The following SPRED1 variants were observed in gnomAD, a reference collection of about 807,000 sequenced individuals.
SPRED1 encodes sprouty-related, EVH1 domain-containing protein 1.
SPRED1 carries 18 observed loss-of-function variants against 52.3 expected under a neutral mutation model. The observed-to-expected ratio is 0.34, with a 90% confidence interval of 0.24 to 0.51. The LOEUF (loss-of-function observed/expected upper bound fraction) is 0.51, where lower values mean the gene tolerates loss of function less well. Ranked by LOEUF, SPRED1 falls within the 20% of genes least tolerant of loss-of-function variation. The pLI is 0.97. For synonymous variants in SPRED1, 155 were observed against 179.7 expected (o/e 0.86, Z 1.10); for missense variants, 485 against 551.0 (o/e 0.88, Z 1.20).
intron 1 of SPRED1, among the ~76,000 whole-genome samples, chr15:38,261,289 T>G (rs532530209): frequency 1.3e-5 from 2 of 152,360 alleles, no homozygotes; most frequent in East Asian, 3.9e-4. Context: ...CTTTGGGATT[T>G]TAGTCCAAGA....
intron 1 of SPRED1, among the ~76,000 whole-genome samples, chr15:38,288,313 A>G (rs2140970093): frequency 6.6e-6 from 1 of 152,332 alleles, no homozygotes; most frequent in Non-Finnish European, 1.5e-5. Flanking sequence ...AGGTTCATGA[A>G]TATGACATGT....
At chr15:38,273,739 T>C (rs1894489259) in intron 1 of SPRED1, among the ~76,000 whole-genome samples, 1 of 152,090 alleles carries the variant, frequency 6.6e-6, no homozygotes, top group Non-Finnish European at 1.5e-5. Context: ...ATGTATGAGA[T>C]GTGTCATTCT....
intron 4 of SPRED1, among the ~76,000 whole-genome samples, chr15:38,339,501 T>A (rs1595756591): frequency 6.6e-6 from 1 of 152,202 alleles, no homozygotes; most frequent in East Asian, 1.9e-4. Flanking sequence ...CTTCATGTTA[T>A]TTTTAATAAG....
At chr15:38,274,041 G>A (rs1369738390) in intron 1 of SPRED1, among the ~76,000 whole-genome samples, 1 of 152,130 alleles carries the variant, frequency 6.6e-6, no homozygotes. Context: ...AAAGATATGT[G>A]GCCATTATTG....
chr15:38,301,827 A>G (rs180678924), intron 2 of SPRED1, among the ~76,000 whole-genome samples: 109 of 151,972 alleles, frequency 7.2e-4, no homozygotes, highest in Middle Eastern at 3.4e-3. Context: ...TTCATTGGTT[A>G]TTCATTGGTT....
chr15:38,322,216 AT>A, intron 2 of SPRED1, 24 bp from the exon 3 acceptor site: 1 of 1,611,568 alleles, frequency 6.2e-7, no homozygotes. Context: ...ATGTATATTA[AT>A]TTTTGGTATT....
At chr15:38,300,587 AT>A in intron 2 of SPRED1, among the ~76,000 whole-genome samples, 1 of 151,920 alleles carries the variant, frequency 6.6e-6, no homozygotes, top group Non-Finnish European at 1.5e-5. Context: ...CACTGCCCCA[AT>A]TTCTTCCCCA....
intron 1 of SPRED1, among the ~76,000 whole-genome samples, chr15:38,282,762 T>C (rs10852015): frequency 0.12 from 18,425 of 152,202 alleles, 1,925 homozygotes; most frequent in East Asian, 0.54. Flanking sequence ...ATGAAAAGTT[T>C]ATAGATTAAA....
intron 1 of SPRED1, among the ~76,000 whole-genome samples, chr15:38,279,570 T>A (rs1404773201): frequency 6.6e-6 from 1 of 152,240 alleles, no homozygotes; most frequent in African/African-American, 2.4e-5. Context: ...TTTGAGTTGC[T>A]TCTGCCCAGA....
chr15:38,282,493 C>T (rs1342324694), intron 1 of SPRED1, among the ~76,000 whole-genome samples: 2 of 150,230 alleles, frequency 1.3e-5, no homozygotes, highest in Admixed American at 6.6e-5. Context: ...GGCAACAGAG[C>T]GAGACCCCGT....
At chr15:38,275,606 C>G (rs1894532801) in intron 1 of SPRED1, among the ~76,000 whole-genome samples, 1 of 152,038 alleles carries the variant, frequency 6.6e-6, no homozygotes, top group Non-Finnish European at 1.5e-5. Flanking sequence ...CAATCAATTC[C>G]CGTACCTCAG....
intron 5 of SPRED1, among the ~76,000 whole-genome samples, chr15:38,348,478 A>C (rs555780822): frequency 3.3e-5 from 5 of 151,722 alleles, no homozygotes; most frequent in African/African-American, 1.2e-4. Flanking sequence ...GCACTAAAAA[A>C]TTTTTTTTAT....
intron 4 of SPRED1, among the ~76,000 whole-genome samples, chr15:38,339,165 G>A: frequency 2.2e-5 from 1 of 45,466 alleles, no homozygotes; most frequent in African/African-American, 4.5e-5. Context: ...CATTTTAAGT[G>A]TCTTTAGTGT....
chr15:38,303,147 G>A (rs1268211241), intron 2 of SPRED1, among the ~76,000 whole-genome samples: 1 of 151,816 alleles, frequency 6.6e-6, no homozygotes, highest in Non-Finnish European at 1.5e-5. Flanking sequence ...TTGTGCCACT[G>A]CACCTCCAAT....
intron 4 of SPRED1, among the ~76,000 whole-genome samples, chr15:38,326,580 T>C (rs2140997982): frequency 6.6e-6 from 1 of 152,332 alleles, no homozygotes; most frequent in East Asian, 1.9e-4. Context: ...GTAGGTCCTA[T>C]ACGAAGTGTA....
Position 38,324,798 on chromosome 15 carries a change from G to C in SPRED1, c.412G>C (p.Asp138His). Reference sequence around the variant, plus strand: ...ATCAAAAAATGAAGCTGAAGGGGCAGATGACTTACAAGTAAGTAATGGCTT... The same window carrying C: ...ATCAAAAAATGAAGCTGAAGGGGCACATGACTTACAAGTAAGTAATGGCTT... ...PESKNEAEGA[D>H]DLQANEEDSS... The change falls in exon 4 of 7, where the codon GAT becomes CAT. Residue 138 changes from aspartate (D) to histidine (H), a missense_variant. Around this residue, in one of 5 missense-constraint regions of SPRED1, gnomAD observed 232 missense variants for 231.8 expected, o/e 1.00. Transcript: ENST00000299084. The C allele has an allele frequency of 6.2e-7, 1 of 1,612,034 alleles. No homozygotes were observed. The highest frequency in any genetic ancestry group is 8.5e-7 in the Non-Finnish European group (1 of 1,179,076).
intron 1 of SPRED1, among the ~76,000 whole-genome samples, chr15:38,274,454 TTATGAAACTACATATA>T: frequency 6.6e-6 from 1 of 152,208 alleles, no homozygotes; most frequent in East Asian, 1.9e-4. Flanking sequence ...GTTGTGAGAT[TTATGAAACTACATATA>T]TATTTATTCT....
chr15:38,341,124 T>A (rs1279707132), intron 5 of SPRED1, among the ~76,000 whole-genome samples: 5 of 152,114 alleles, frequency 3.3e-5, no homozygotes, highest in Admixed American at 6.6e-5. Flanking sequence ...TAACTTTGTC[T>A]GTTTCATCCA....
At chr15:38,259,220 A>G (rs535099836) in intron 1 of SPRED1, among the ~76,000 whole-genome samples, 1 of 152,308 alleles carries the variant, frequency 6.6e-6, no homozygotes, top group African/African-American at 2.4e-5. Context: ...TTGATGACAC[A>G]AAATTTTGTA....
Sources: gnomAD v4.1 joint callset for allele counts (sites outside exome capture counted in the v4.1 genomes callset) on GRCh38, gnomAD v4.1.1 for gene constraint, gnomAD v4.1.1 regional missense constraint, MANE v1.5 for transcripts, NCBI Gene and HGNC (gene_info 2026-07-23, HGNC 2026-07-21) for gene names.